RBFOX2: variants seen among roughly 807,000 people sequenced by gnomAD.
RBFOX2 encodes the protein RNA binding protein fox-1 homolog 2.
Under a neutral mutation model 49.1 loss-of-function variants are expected in RBFOX2, and 10 were observed. The ratio of observed to expected loss-of-function variants is 0.20; its 90% confidence interval spans 0.13 to 0.35. RBFOX2 has a LOEUF of 0.35. RBFOX2 is among the 10% of genes least tolerant of loss of function. The pLI is 1.00. For synonymous variants in RBFOX2, 183 were observed against 187.4 expected (o/e 0.98, Z 0.19); for missense variants, 323 against 486.9 (o/e 0.66, Z 3.17).
chr22:35,781,480 A>T (rs1945134288), intron 3 of RBFOX2, 120 bp downstream of exon 4: 2 of 1,285,992 alleles, frequency 1.6e-6, no homozygotes, highest in Non-Finnish European at 1.1e-6. Flanking sequence ...AGACTGATTT[A>T]CCTCAGGTTC....
intron 1 of RBFOX2, among the ~76,000 whole-genome samples, chr22:35,990,449 C>T (rs1291946698): frequency 2.6e-5 from 4 of 152,162 alleles, no homozygotes; most frequent in Non-Finnish European, 4.4e-5. Context: ...AATGCACTGG[C>T]TTTCTCAATG....
intron 1 of RBFOX2, among the ~76,000 whole-genome samples, chr22:35,974,739 C>T (rs758541034): frequency 6.6e-6 from 1 of 152,036 alleles, no homozygotes; most frequent in African/African-American, 2.4e-5. Context: ...TACAGAAAGA[C>T]GCCACAATCC....
intron 1 of RBFOX2, among the ~76,000 whole-genome samples, chr22:35,820,108 G>C (rs118057485): frequency 0.039 from 5,979 of 152,290 alleles, 147 homozygotes; most frequent in South Asian, 0.085. Flanking sequence ...AGGTAGCAGT[G>C]GGGAAAGAGG....
chr22:36,014,229 C>T (rs1232512451), intron 1 of RBFOX2, among the ~76,000 whole-genome samples: 5 of 151,854 alleles, frequency 3.3e-5, no homozygotes, highest in Admixed American at 3.3e-4. Context: ...TCACGCCATT[C>T]TCCTGCCTCA....
intron 1 of RBFOX2, among the ~76,000 whole-genome samples, chr22:35,983,557 T>A (rs2057561627): frequency 6.6e-6 from 1 of 152,108 alleles, no homozygotes; most frequent in Non-Finnish European, 1.5e-5. Context: ...AAAAGCAATC[T>A]CAGAAATAAC....
At chr22:35,791,058 A>C (rs1273948124) in intron 2 of RBFOX2, among the ~76,000 whole-genome samples, 1 of 151,998 alleles carries the variant, frequency 6.6e-6, no homozygotes, top group Non-Finnish European at 1.5e-5. Context: ...CAAGGAAACA[A>C]GCAAGCTAGA....
rs551871389 is a variant in RBFOX2, at chr22:35,755,393, T to C, written c.887+4495A>G. Among the ~76,000 whole-genome samples the C allele has an allele frequency of 7.9e-5, 12 of 152,214 alleles. 1 individual carries two copies. Among genetic ancestry groups the C allele is most frequent in the Non-Finnish European group, 1.5e-4 (10 of 68,038 alleles). ...AGTGATAGCTAGACAGTTTAAATAA[T>C]GGAGTCCATATTACTATGGCTAGTA... is the stretch of plus-strand genomic sequence containing the variant. On this transcript the variant is annotated intron_variant, in intron 9 of 11. Coordinates refer to ENST00000405409, the Ensembl canonical transcript of RBFOX2.
chr22:35,860,550 A>C (rs2042987909), intron 1 of RBFOX2, among the ~76,000 whole-genome samples: 1 of 152,252 alleles, frequency 6.6e-6, no homozygotes, highest in Non-Finnish European at 1.5e-5. Flanking sequence ...TCATTGCATA[A>C]CATGAAGATG....
At chr22:35,783,510 G>A (rs1256143975) in intron 2 of RBFOX2, among the ~76,000 whole-genome samples, 1 of 152,078 alleles carries the variant, frequency 6.6e-6, no homozygotes, top group Non-Finnish European at 1.5e-5. Context: ...ACAACATGAG[G>A]TCTACAGGGT....
intron 1 of RBFOX2, among the ~76,000 whole-genome samples, chr22:35,899,307 C>T (rs2048284668): frequency 6.6e-6 from 1 of 151,924 alleles, no homozygotes; most frequent in African/African-American, 2.4e-5. Context: ...CTGCAAACTA[C>T]CTCTGAAACT....
At chr22:35,826,614 G>A (rs1166386960) in intron 1 of RBFOX2, among the ~76,000 whole-genome samples, 1 of 151,956 alleles carries the variant, frequency 6.6e-6, no homozygotes, top group African/African-American at 2.4e-5. Context: ...TTTCAAAAAT[G>A]CCCCCTGGTT....
intron 1 of RBFOX2, among the ~76,000 whole-genome samples, chr22:35,919,310 C>T (rs931608755): frequency 1.3e-5 from 2 of 152,116 alleles, no homozygotes; most frequent in Admixed American, 6.5e-5. Context: ...GGCTGAGGCG[C>T]GTGGATCACT....
rs1209700568 is a variant in RBFOX2, at chr22:35,875,868, CATTTT to C, written c.-34+62974_-34+62978del. Among the ~76,000 whole-genome samples the C allele has an allele frequency of 3.3e-5, 5 of 152,110 alleles. No homozygotes were observed. The South Asian group carries it at 8.3e-4, about 25-fold the overall frequency. On this transcript the variant is annotated intron_variant, in intron 1 of 13. Coordinates refer to the RBFOX2 transcript ENST00000359369. ...TAACTAACAAATTTTAAGAAAGCTA[CATTTT>C]GTTTTGTGAAATAGTAAAAAAATAA...
At chr22:36,012,307 C>T (rs2058851139) in intron 1 of RBFOX2, among the ~76,000 whole-genome samples, 1 of 152,204 alleles carries the variant, frequency 6.6e-6, no homozygotes, top group Admixed American at 6.5e-5. Context: ...TGGGTAAAAG[C>T]ATCAGCTTTG....
chr22:35,883,996 ATCTC>A (rs1244693756), intron 1 of RBFOX2, among the ~76,000 whole-genome samples: 16 of 120,490 alleles, frequency 1.3e-4, no homozygotes, highest in South Asian at 2.8e-4. Context: ...ATCTGTAGTT[ATCTC>A]TTTTTTTTTT....
At chr22:35,884,505 C>CT (rs1245126190) in intron 1 of RBFOX2, among the ~76,000 whole-genome samples, 5 of 152,254 alleles carry the variant, frequency 3.3e-5, no homozygotes, top group Middle Eastern at 3.4e-3. Context: ...ACTCACTCAC[C>CT]TGGCTGCTGG....
intron 1 of RBFOX2, among the ~76,000 whole-genome samples, chr22:35,953,589 T>C (rs114750850): frequency 8.1e-4 from 123 of 152,320 alleles, no homozygotes; most frequent in African/African-American, 2.9e-3. Flanking sequence ...GAGATAGTGG[T>C]TGTACAGCAC....
rs1231730168 is a variant in RBFOX2, at chr22:35,951,078, C to T, written c.42+10485G>A. ...ATGCCATTCTCCTGCCTCAGCCTCC[C>T]AGGTAGCTGGGATTACAGGCGCGTG... On this transcript the variant is annotated intron_variant, in intron 1 of 5. Transcript: ENST00000408983. Among the ~76,000 whole-genome samples the T allele has an allele frequency of 8.3e-5, 12 of 145,322 alleles. No individual in the cohort carries two copies. The East Asian group carries it at 8.3e-4, about 10-fold the overall frequency.
At chr22:35,897,926 C>A (rs991864679) in intron 1 of RBFOX2, 2 of 744,756 alleles carry the variant, frequency 2.7e-6, no homozygotes, top group African/African-American at 3.5e-5. Context: ...TTTCCAACTT[C>A]AGCTTCCTTG....
Sources: gnomAD v4.1 joint callset for allele counts (sites outside exome capture counted in the v4.1 genomes callset) on GRCh38, gnomAD v4.1.1 for gene constraint, MANE v1.5 for transcripts, NCBI Gene and HGNC (gene_info 2026-07-23, HGNC 2026-07-21) for gene names.